Variants in MACF1 observed in about 807,000 individuals in gnomAD.
The protein encoded by MACF1 is microtubule actin crosslinking factor 1.
Under a neutral mutation model 854.8 loss-of-function variants are expected in MACF1, and 193 were observed. The observed-to-expected ratio is 0.23, with a 90% CI of 0.20 to 0.25. MACF1 has a LOEUF of 0.25. MACF1 is among the 10% of genes least tolerant of loss of function. The pLI is 1.00. For synonymous variants in MACF1, 3,185 were observed against 3,226.7 expected (o/e 0.99, Z 0.44); for missense variants, 7,722 against 8,929.1 (o/e 0.86, Z 5.45).
chr1:39,149,881 C>G (rs903923581), intron 2 of MACF1, among the ~76,000 whole-genome samples: 1 of 152,188 alleles, frequency 6.6e-6, no homozygotes, highest in Non-Finnish European at 1.5e-5. Context: ...GATCTCTCCA[C>G]TGGAAGTTAG....
chr1:39,410,453 A>G (rs1642938900), intron 58 of MACF1: 1 of 1,614,038 alleles, frequency 6.2e-7, no homozygotes, highest in Non-Finnish European at 8.5e-7. Flanking sequence ...AGCACCATGG[A>G]AAAGATGGAA....
chr1:39,473,877 T>A (rs576758802), intron 97 of MACF1, among the ~76,000 whole-genome samples: 2 of 152,288 alleles, frequency 1.3e-5, no homozygotes, highest in Non-Finnish European at 2.9e-5. Flanking sequence ...ATACATGCCC[T>A]TCTATTTGGT....
At chr1:39,146,875 C>T (rs1158128072) in intron 2 of MACF1, among the ~76,000 whole-genome samples, 1 of 152,092 alleles carries the variant, frequency 6.6e-6, no homozygotes, top group East Asian at 1.9e-4. Flanking sequence ...ACACAAATTG[C>T]TTGAGGTGAT....
chr1:39,371,836 C>T (rs1242036112), intron 51 of MACF1, among the ~76,000 whole-genome samples: 10 of 144,754 alleles, frequency 6.9e-5, no homozygotes, highest in African/African-American at 2.0e-4. Context: ...TTTTTTAAGA[C>T]GGAGTCTCAC....
At chr1:39,261,922 A>G (rs1645167737) in intron 6 of MACF1, among the ~76,000 whole-genome samples, 1 of 152,172 alleles carries the variant, frequency 6.6e-6, no homozygotes, top group African/African-American at 2.4e-5. Flanking sequence ...CCTACCAGCA[A>G]TGTATGTGGT....
At position 39,332,198 on chromosome 1, in the gene MACF1, T is replaced by A; in HGVS notation, c.5610T>A (p.Ile1870=). Residue 1870 remains isoleucine (I), a synonymous_variant, in exon 37 of 101, where the codon ATT becomes ATA. Coordinates refer to ENST00000564288, the MANE Select transcript of MACF1 (RefSeq NM_001394062.1). ...TTACAGATGCCCTAGAACAAGGTATTGTGTCTACTGAACTAGCACATAAAA... is the reference window on the plus strand; with the variant it reads ...TTACAGATGCCCTAGAACAAGGTATAGTGTCTACTGAACTAGCACATAAAA... ...LPITDALEQG[I]VSTELAHKIL... 6.2e-7 allele frequency: 1 copy of A among 1,614,118 alleles called. No homozygotes were observed. Among genetic ancestry groups the A allele is most frequent in the Non-Finnish European group, 8.5e-7 (1 of 1,180,030 alleles).
chr1:39,298,937 GGTCATCGGGTTGGCGGC>G (rs1645981384), intron 21 of MACF1, among the ~76,000 whole-genome samples: 1 of 151,978 alleles, frequency 6.6e-6, no homozygotes, highest in Admixed American at 6.6e-5. Context: ...TCCAGGTCAG[GGTCATCGGGTTGGCGGC>G]GTCATCGGGG....
At chr1:39,228,391 T>C (rs140681603) in intron 1 of MACF1, among the ~76,000 whole-genome samples, 1 of 152,064 alleles carries the variant, frequency 6.6e-6, no homozygotes, top group Non-Finnish European at 1.5e-5. Flanking sequence ...GGAAGAGAAG[T>C]AGCCAGTCAT....
chr1:39,477,863 A>C (rs1383517937), intron 97 of MACF1, among the ~76,000 whole-genome samples: 1 of 152,044 alleles, frequency 6.6e-6, no homozygotes, highest in Non-Finnish European at 1.5e-5. Context: ...CATAGGGAAC[A>C]TATCACCATT....
intron 80 of MACF1, 135 bp downstream of exon 80, chr1:39,444,970 T>C: frequency 1.5e-6 from 1 of 668,084 alleles, no homozygotes; most frequent in Non-Finnish European, 2.4e-6. Flanking sequence ...TCCATCTGTG[T>C]TGAGTTGCAT....
chr1:39,336,522 G>A lies in MACF1; in HGVS notation c.9934G>A (p.Ala3312Thr), dbSNP rs748535331. Residue 3312 changes from alanine (A) to threonine (T), a missense_variant, in exon 37 of 101, where the codon GCA becomes ACA. By Grantham distance (58) the Ala-to-Thr change is moderately conservative (BLOSUM62 0). This residue lies in a region of MACF1 where 854 missense variants were observed against 852.6 expected (regional missense o/e 1.00). Coordinates refer to ENST00000564288, the MANE Select transcript of MACF1 (RefSeq NM_001394062.1). ...GACAGTGTCCCTAACAGTATGCTCT[G>A]CAGTGAAGACAGAGAAGACACCACA... ...EKTVSLTVCS[A>T]VKTEKTPQEK... 1.2e-6 allele frequency: 2 copies of A among 1,614,068 alleles called. No homozygotes were observed. The highest frequency in any genetic ancestry group is 1.7e-5 in the Admixed American group (1 of 59,996).
At chr1:39,406,725 A>T (rs1423763608) in intron 58 of MACF1, among the ~76,000 whole-genome samples, 1 of 138,278 alleles carries the variant, frequency 7.2e-6, no homozygotes, top group Non-Finnish European at 1.5e-5. Flanking sequence ...ACAGAGTGAG[A>T]CAGAGTCTCA....
At position 39,309,655 on chromosome 1, in the gene MACF1, C is replaced by T. The variant is rs1241320476; in HGVS notation, c.2875C>T (p.Arg959Cys). The change falls in exon 24 of 101, where the codon CGT (arginine) becomes TGT (cysteine). Residue 959 changes from arginine (R) to cysteine (C), a missense_variant. This residue lies in a region of MACF1 where 1,137 missense variants were observed against 1,263.0 expected (regional missense o/e 0.90). Transcript: ENST00000564288. Reference protein sequence around the residue: ...TKSLISWNYLRKDLDLVQTWN... With the variant: ...TKSLISWNYLCKDLDLVQTWN... Reference sequence around the variant, plus strand: ...AAGCCTTATCTCTTGGAACTATCTGCGTAAAGACCTTGACCTTGTACAGAC... The same window carrying T: ...AAGCCTTATCTCTTGGAACTATCTGTGTAAAGACCTTGACCTTGTACAGAC... The T allele has an allele frequency of 1.2e-6, 2 of 1,614,066 alleles. No homozygotes were observed. The highest frequency in any genetic ancestry group is 1.7e-6 in the Non-Finnish European group (2 of 1,179,944).
rs758189283 is a variant in MACF1, at chr1:39,442,818, A to C, written c.19209A>C (p.Leu6403Phe). The C allele has an allele frequency of 1.5e-5, 24 of 1,614,130 alleles. No individual in the cohort carries two copies. Among genetic ancestry groups the C allele is most frequent in the Non-Finnish European group, 1.5e-5 (18 of 1,179,974 alleles). Reference protein sequence around the residue: ...ESSAGDDASSLRSRLEAMNQC... With the variant: ...ESSAGDDASSFRSRLEAMNQC... ...GTGCTGGAGATGATGCCAGCAGCTT[A>C]AGGAGCCGTTTGGAAGCCATGAACC... Residue 6403 changes from leucine to phenylalanine, a missense_variant, in exon 78 of 101, where the codon TTA becomes TTC. Leu to Phe is a conservative substitution (Grantham distance 22). Around this residue, in one of 15 missense-constraint regions of MACF1, gnomAD observed 729 missense variants for 900.5 expected, o/e 0.81. Transcript: ENST00000564288.
chr1:39,186,229 T>TC, intron 2 of MACF1, among the ~76,000 whole-genome samples: 1 of 90,016 alleles, frequency 1.1e-5, no homozygotes, highest in Non-Finnish European at 2.4e-5. Flanking sequence ...TGTGTGTGTG[T>TC]GTGTGTGTGT....
chr1:39,325,660 C>T (rs994393318), intron 35 of MACF1, among the ~76,000 whole-genome samples: 5 of 152,028 alleles, frequency 3.3e-5, no homozygotes, highest in Non-Finnish European at 5.9e-5. Context: ...GAAAGTACAA[C>T]CTTAAACAGG....
chr1:39,139,743 G>A (rs1643295886), intron 2 of MACF1, among the ~76,000 whole-genome samples: 1 of 151,948 alleles, frequency 6.6e-6, no homozygotes. Flanking sequence ...TTTCTGAACT[G>A]ACATAATATT....
At chr1:39,122,400 C>G (rs1642740217) in intron 2 of MACF1, among the ~76,000 whole-genome samples, 1 of 151,820 alleles carries the variant, frequency 6.6e-6, no homozygotes, top group African/African-American at 2.4e-5. Flanking sequence ...ATTACAGGTG[C>G]CCACCATCAT....
rs767597051 is a variant in MACF1 at position 39,358,717 on chromosome 1, C to T, written c.11964C>T (p.His3988=). 7.4e-6 allele frequency: 12 copies of T among 1,613,994 alleles called. No homozygotes were observed. In the South Asian group the frequency reaches 1.3e-4, roughly 18 times the overall value. The change falls in exon 46 of 101, where the codon CAC becomes CAT. Residue 3988 remains histidine, a synonymous_variant. Transcript: ENST00000564288. The stretch of plus-strand genomic sequence containing the variant: ...CACAGTGTACACGATTAGGATCTCA[C>T]CTGAATATGCTGTTAGGCCAGTATC... The part of the protein sequence containing the change: ...LHSKCTRLGS[H]LNMLLGQYHQ...
Sources: gnomAD v4.1 joint callset for allele counts (sites outside exome capture counted in the v4.1 genomes callset) on GRCh38, gnomAD v4.1.1 for gene constraint, gnomAD v4.1.1 regional missense constraint, MANE v1.5 for transcripts, NCBI Gene and HGNC (gene_info 2026-07-23, HGNC 2026-07-21) for gene names.